The following EPC1 variants were observed in gnomAD, a reference collection of about 807,000 sequenced individuals.
EPC1 encodes enhancer of polycomb 1, also known as enhancer of polycomb homolog 1.
EPC1 carries 12 observed loss-of-function variants against 98.4 expected under a neutral mutation model. The observed-to-expected ratio is 0.12, with a 90% CI of 0.08 to 0.20. The LOEUF is 0.20. EPC1 is among the 10% of genes least tolerant of loss of function. The pLI is 1.00. For synonymous variants in EPC1, 357 were observed against 363.9 expected (o/e 0.98, Z 0.21); for missense variants, 729 against 990.5 (o/e 0.74, Z 3.54).
intron 13 of EPC1, 136 bp from the exon 14 acceptor site, chr10:32,269,271 G>C: frequency 1.6e-6 from 1 of 636,096 alleles, no homozygotes. Context: ...AGCAAGTAGA[G>C]GAATACGAAT....
chr10:32,309,632 G>C (rs1420599507), intron 1 of EPC1, among the ~76,000 whole-genome samples: 1 of 143,292 alleles, frequency 7.0e-6, no homozygotes, highest in Non-Finnish European at 1.5e-5. Context: ...AAGGCAGGCG[G>C]ATCACTTGAG....
intron 1 of EPC1, among the ~76,000 whole-genome samples, chr10:32,363,085 T>C (rs1472952018): frequency 2.6e-5 from 4 of 152,096 alleles, no homozygotes; most frequent in Non-Finnish European, 5.9e-5. Flanking sequence ...AACTCTTTAT[T>C]ACCTGAGAGA....
At chr10:32,307,771 T>C (rs555742340) in intron 1 of EPC1, among the ~76,000 whole-genome samples, 3 of 152,342 alleles carry the variant, frequency 2.0e-5, no homozygotes, top group South Asian at 4.1e-4. Flanking sequence ...ATGCGTGCTC[T>C]TGAACTCTCA....
rs552963023 is a variant in EPC1 at position 32,284,946 on chromosome 10, T to C, written c.1496A>G (p.Asn499Ser). The stretch of plus-strand genomic sequence containing the variant: ...GTCCGAGGTATTTGTTTCTGAGGTA[T>C]TGGCAAACTGATTGACTGGAGAATG... ...PQHSPVNQFANTSETNTSDKS... is the reference protein window; with the variant it reads ...PQHSPVNQFASTSETNTSDKS... Residue 499 changes from asparagine (N) to serine (S), a missense_variant, in exon 10 of 14, where the codon AAT becomes AGT. Physicochemically the swap from Asn to Ser is conservative, Grantham distance 46. This residue lies in a region of EPC1 where 390 missense variants were observed against 438.6 expected (regional missense o/e 0.89). Transcript: ENST00000319778. 30 of 1,614,204 alleles carry C rather than the reference T, an allele frequency of 1.9e-5. No homozygotes were observed. Among genetic ancestry groups the C allele is most frequent in the African/African-American group, 2.7e-5 (2 of 75,050 alleles).
In EPC1 at chr10:32,347,104, G is replaced by A; in HGVS notation, c.-189C>T. On this transcript the variant is annotated 5_prime_UTR_variant, in exon 1 of 14. Transcript: ENST00000319778. ...GGCTGTGCCGCTCCGCTCCTCTCTC[G>A]CTCGCTCTCTTCAATACGCCATGGC... 6.9e-7 allele frequency: 1 copy of A among 1,440,760 alleles called. No individual in the cohort carries two copies. The allele number at this position is 1,440,760 out of a possible 1,614,324, so 89.2% of individuals were successfully genotyped here.
chr10:32,362,251 A>T (rs1440473728), intron 1 of EPC1, among the ~76,000 whole-genome samples: 1 of 151,920 alleles, frequency 6.6e-6, no homozygotes, highest in Non-Finnish European at 1.5e-5. Context: ...TAACAAAAGC[A>T]TGTGATATAG....
At chr10:32,372,227 C>A (rs1286136719) in intron 1 of EPC1, among the ~76,000 whole-genome samples, 1 of 152,060 alleles carries the variant, frequency 6.6e-6, no homozygotes, top group Non-Finnish European at 1.5e-5. Flanking sequence ...GTGGTGGGGG[C>A]CTGGGAATCT....
intron 6 of EPC1, among the ~76,000 whole-genome samples, chr10:32,288,994 C>T (rs745792237): frequency 3.3e-5 from 5 of 152,020 alleles, no homozygotes; most frequent in Non-Finnish European, 5.9e-5. Context: ...GAGGCTGAGG[C>T]AGGAGAATCG....
intron 1 of EPC1, among the ~76,000 whole-genome samples, chr10:32,372,349 A>G (rs140764588): frequency 6.6e-6 from 1 of 152,330 alleles, no homozygotes; most frequent in East Asian, 1.9e-4. Context: ...GCTTCCATAT[A>G]TGCCAAAGTT....
chr10:32,371,646 C>G (rs1839753169), intron 1 of EPC1, among the ~76,000 whole-genome samples: 1 of 152,130 alleles, frequency 6.6e-6, no homozygotes, highest in African/African-American at 2.4e-5. Flanking sequence ...CCCCTGTAAT[C>G]CCAGCACTTT....
At chr10:32,304,203 T>C (rs1305628648) in intron 2 of EPC1, among the ~76,000 whole-genome samples, 1 of 152,238 alleles carries the variant, frequency 6.6e-6, no homozygotes, top group Non-Finnish European at 1.5e-5. Context: ...TTATAGATTC[T>C]GATCATCAAT....
chr10:32,361,613 C>T (rs1839445993), intron 1 of EPC1, among the ~76,000 whole-genome samples: 1 of 152,140 alleles, frequency 6.6e-6, no homozygotes, highest in Non-Finnish European at 1.5e-5. Flanking sequence ...TTTTACCCAC[C>T]CCCAATCACC....
At chr10:32,305,565 CA>C (rs1835831170) in intron 2 of EPC1, among the ~76,000 whole-genome samples, 1 of 148,744 alleles carries the variant, frequency 6.7e-6, no homozygotes, top group Non-Finnish European at 1.5e-5. Context: ...TGGAATGAAA[CA>C]AAAAATGTAG....
chr10:32,271,094 C>G (rs764947490), intron 13 of EPC1, among the ~76,000 whole-genome samples: 1 of 151,692 alleles, frequency 6.6e-6, no homozygotes, highest in African/African-American at 2.4e-5. Flanking sequence ...CAGGTTCAAG[C>G]GATTCTCCTG....
At chr10:32,364,751 G>T (rs1839548859) in intron 1 of EPC1, among the ~76,000 whole-genome samples, 1 of 152,274 alleles carries the variant, frequency 6.6e-6, no homozygotes, top group South Asian at 2.1e-4. Context: ...AAGAAACTAT[G>T]CCTTTGGTAT....
intron 1 of EPC1, among the ~76,000 whole-genome samples, chr10:32,307,002 C>A (rs1403304289): frequency 2.0e-5 from 3 of 151,932 alleles, no homozygotes; most frequent in African/African-American, 4.8e-5. Context: ...CAAATGTGTA[C>A]ATATTTAAAT....
intron 1 of EPC1, chr10:32,374,301 A>G (rs1384411556): frequency 1.3e-5 from 2 of 152,080 alleles, no homozygotes. Flanking sequence ...TCATCTTCAC[A>G]GTTTATATTT....
At chr10:32,363,716 G>T (rs1280129175) in intron 1 of EPC1, among the ~76,000 whole-genome samples, 5 of 152,128 alleles carry the variant, frequency 3.3e-5, no homozygotes, top group Admixed American at 6.5e-5. Context: ...GGACACTATT[G>T]TGTGTATTTC....
intron 10 of EPC1, among the ~76,000 whole-genome samples, chr10:32,274,717 G>A (rs2986935): frequency 0.82 from 124,896 of 152,070 alleles, 51,774 homozygotes; most frequent in East Asian, 0.96. Flanking sequence ...TCTGCAATCT[G>A]TAGAAAAGAT....
Sources: allele counts gnomAD v4.1 joint callset (sites outside exome capture counted in the v4.1 genomes callset), GRCh38; gene constraint gnomAD v4.1.1; regional missense constraint gnomAD v4.1.1; transcripts MANE v1.5; gene names NCBI Gene and HGNC (gene_info 2026-07-23, HGNC 2026-07-21).